The following KMT2C variants were observed in gnomAD, a reference collection of about 807,000 sequenced individuals.
KMT2C encodes the protein histone-lysine N-methyltransferase 2C.
A neutral mutation model predicts 507.9 loss-of-function variants in KMT2C; 88 were observed. That is an observed-to-expected ratio of 0.17 (90% CI 0.15 to 0.21). The LOEUF (loss-of-function observed/expected upper bound fraction) is 0.21, where lower values mean the gene tolerates loss of function less well. Among genes scored for constraint, KMT2C ranks in the 10% least tolerant of loss-of-function variants. KMT2C has a pLI of 1.00. For missense variants in KMT2C, 4,954 were observed against 5,957.8 expected (o/e 0.83, Z 5.55); for synonymous variants, 2,049 against 2,080.8 (o/e 0.98, Z 0.42).
chr7:152,325,785 T>A (rs957556879), intron 3 of KMT2C, among the ~76,000 whole-genome samples: 7 of 152,196 alleles, frequency 4.6e-5, no homozygotes, highest in Non-Finnish European at 8.8e-5. Flanking sequence ...CCATTTGTTT[T>A]TTAAAAGTCT....
chr7:152,189,472 G>C (rs946406039), intron 31 of KMT2C, among the ~76,000 whole-genome samples: 1 of 151,838 alleles, frequency 6.6e-6, no homozygotes, highest in African/African-American at 2.4e-5. Context: ...TTCCTAACCT[G>C]ATCACTTGAT....
chr7:152,368,871 C>T (rs2097268924), intron 1 of KMT2C, among the ~76,000 whole-genome samples: 1 of 152,112 alleles, frequency 6.6e-6, no homozygotes, highest in Non-Finnish European at 1.5e-5. Context: ...AGTAACAGCT[C>T]TAAGTACCTT....
intron 31 of KMT2C, among the ~76,000 whole-genome samples, chr7:152,190,525 A>T (rs558297504): frequency 6.8e-4 from 103 of 152,310 alleles, no homozygotes; most frequent in African/African-American, 2.4e-3. Flanking sequence ...ACAGAAATTA[A>T]ATAATTTGTT....
intron 1 of KMT2C, among the ~76,000 whole-genome samples, chr7:152,421,871 T>C (rs1010189656): frequency 6.6e-6 from 1 of 152,068 alleles, no homozygotes; most frequent in Non-Finnish European, 1.5e-5. Context: ...TCTGTGCATG[T>C]AACCCCTGAA....
intron 26 of KMT2C, 142 bp from the exon 27 acceptor site, chr7:152,199,601 T>TA (rs1315157261): frequency 2.3e-6 from 1 of 433,804 alleles, no homozygotes; most frequent in Non-Finnish European, 4.0e-6. Context: ...ACAGAAGTAT[T>TA]AAAAAATAGA....
chr7:152,220,810 C>T, intron 22 of KMT2C, 75 bp from the exon 23 acceptor site: 1 of 1,081,384 alleles, frequency 9.2e-7, no homozygotes, highest in Non-Finnish European at 1.4e-6. Flanking sequence ...TCCAAAATAC[C>T]CATGTCAAGG....
chr7:152,340,147 GA>G (rs1203783507), intron 2 of KMT2C, among the ~76,000 whole-genome samples: 1 of 146,594 alleles, frequency 6.8e-6, no homozygotes, highest in African/African-American at 2.5e-5. Flanking sequence ...ATCACGCCTG[GA>G]TTTTTTTTTT....
At chr7:152,247,199 G>A (rs1195927535) in intron 14 of KMT2C, among the ~76,000 whole-genome samples, 1 of 151,818 alleles carries the variant, frequency 6.6e-6, no homozygotes, top group African/African-American at 2.4e-5. Context: ...TAAATAATTC[G>A]TACCTACAGT....
rs199516845 is a variant in KMT2C at position 152,182,494 on chromosome 7, C to T, written c.5366G>A (p.Gly1789Asp). Reference sequence around the variant, plus strand: ...AGACTGCACCAGAAGATGCTGAGAACCAAATTGCTGTTGTTGCTGCTGCTG... The same window carrying T: ...AGACTGCACCAGAAGATGCTGAGAATCAAATTGCTGTTGTTGCTGCTGCTG... The part of the protein sequence containing the change: ...EQQQQQQQQF[G>D]SQHLLVQSGS... Residue 1789 changes from glycine to aspartate, a missense_variant, in exon 36 of 59, where the codon GGT becomes GAT. Physicochemically the swap from Gly to Asp is moderately conservative, Grantham distance 94. Transcript: ENST00000262189. 2 of 1,614,000 alleles carry T rather than the reference C, an allele frequency of 1.2e-6. No homozygotes were observed. The highest frequency in any genetic ancestry group is 1.7e-6 in the Non-Finnish European group (2 of 1,179,922).
chr7:152,329,563 T>C (rs1306541312), intron 3 of KMT2C, among the ~76,000 whole-genome samples: 4 of 147,550 alleles, frequency 2.7e-5, no homozygotes, highest in African/African-American at 5.0e-5. Context: ...GAGTAAGACC[T>C]TGCCTCAAAA....
At chr7:152,146,826 T>C in intron 52 of KMT2C, 91 bp from the exon 53 acceptor site, 12 of 1,127,268 alleles carry the variant, frequency 1.1e-5, no homozygotes, top group Non-Finnish European at 1.4e-5. Context: ...CACAAGGATT[T>C]ACTAATTTCC....
At chr7:152,222,845 A>T (rs566350390) in intron 20 of KMT2C, among the ~76,000 whole-genome samples, 163 bp from the exon 21 acceptor site, 2 of 152,330 alleles carry the variant, frequency 1.3e-5, no homozygotes, top group South Asian at 4.1e-4. Context: ...TAACAGAAAA[A>T]CTTTCATACA....
intron 1 of KMT2C, among the ~76,000 whole-genome samples, chr7:152,374,162 A>G (rs1242849591): frequency 1.3e-5 from 2 of 151,838 alleles, no homozygotes; most frequent in Non-Finnish European, 2.9e-5. Context: ...CTAAAAATAC[A>G]AAAATTAGCC....
intron 7 of KMT2C, among the ~76,000 whole-genome samples, chr7:152,269,528 A>T (rs2095919784): frequency 6.6e-6 from 1 of 152,212 alleles, no homozygotes; most frequent in South Asian, 2.1e-4. Context: ...AGAGACACTA[A>T]GTTTAAAGCA....
chr7:152,228,384 T>C (rs187712457), intron 18 of KMT2C, among the ~76,000 whole-genome samples: 47 of 152,312 alleles, frequency 3.1e-4, no homozygotes, highest in African/African-American at 9.6e-4. Flanking sequence ...CCACAAACAA[T>C]TGCCTCCTAC....
chr7:152,148,280 G>A lies in KMT2C; in HGVS notation c.13647C>T (p.Arg4549=), dbSNP rs372028727. ...VQRGERDHTF[R]VGSLIFHTIG... ...TTGTGTGGAAGATGAGGCTACCCAC[G>A]CGAAAGGTATGGTCCCGTTCTCCTC... Residue 4549 remains arginine (R), a synonymous_variant, in exon 52 of 59, where the codon CGC becomes CGT. Transcript: ENST00000262189. The surrounding 1 kb of genome is among the most constrained non-coding windows in gnomAD (Gnocchi z 7.1). 2.0e-5 allele frequency: 32 copies of A among 1,614,128 alleles called. No individual in the cohort carries two copies. In the African/African-American group the frequency reaches 2.0e-4, roughly 10 times the overall value.
At chr7:152,152,505 T>C (rs2091712882) in intron 49 of KMT2C, among the ~76,000 whole-genome samples, 200 bp downstream of exon 49, 1 of 152,184 alleles carries the variant, frequency 6.6e-6, no homozygotes, top group Non-Finnish European at 1.5e-5. Flanking sequence ...GGTGACAGCA[T>C]GACAGAATAC....
chr7:152,338,546 G>C lies in KMT2C; in HGVS notation c.251-7807C>G, dbSNP rs114888150. Among the ~76,000 whole-genome samples, 1,307 of 152,246 alleles carry C rather than the reference G, an allele frequency of 8.6e-3. 21 individuals carry two copies. The highest frequency in any genetic ancestry group is 0.03 in the African/African-American group (1,260 of 41,558). Reference sequence around the variant, plus strand: ...TTAGAAGCCCAGCTAAAACTAAAAGGATAAATCAAAGTGTGCCTAATAGTT... The same window carrying C: ...TTAGAAGCCCAGCTAAAACTAAAAGCATAAATCAAAGTGTGCCTAATAGTT... On this transcript the variant is annotated intron_variant, in intron 2 of 58. Coordinates refer to ENST00000262189, the MANE Select transcript of KMT2C (RefSeq NM_170606.3).
chr7:152,305,475 G>A (rs540809069), intron 6 of KMT2C, among the ~76,000 whole-genome samples: 5 of 152,246 alleles, frequency 3.3e-5, no homozygotes, highest in Admixed American at 2.6e-4. Context: ...ATGAACAAAC[G>A]GTTATAGTGA....
Sources: allele counts gnomAD v4.1 joint callset (sites outside exome capture counted in the v4.1 genomes callset), GRCh38; gene constraint gnomAD v4.1.1; non-coding constraint Gnocchi (gnomAD v3.1); transcripts MANE v1.5; gene names NCBI Gene and HGNC (gene_info 2026-07-23, HGNC 2026-07-21).